Variants in CCDC171 observed in about 807,000 individuals in gnomAD.
CCDC171 encodes coiled-coil domain containing 171.
A neutral mutation model predicts 168.2 loss-of-function variants in CCDC171; 177 were observed. That is an observed-to-expected ratio of 1.05 (90% CI 0.93 to 1.19). The LOEUF (loss-of-function observed/expected upper bound fraction) is 1.19, where lower values mean the gene tolerates loss of function less well. Among genes scored for constraint, CCDC171 ranks in the 50% most tolerant of loss-of-function variants. The pLI is 0.00. For synonymous variants in CCDC171, 687 were observed against 540.8 expected, an observed-to-expected ratio of 1.27 and a Z score of -3.75; for missense variants, 1,991 against 1,539.0, an observed-to-expected ratio of 1.29 and a Z score of -4.91.
At chr9:15,740,839 A>G (rs955889661) in intron 16 of CCDC171, among the ~76,000 whole-genome samples, 11 of 152,142 alleles carry the variant, frequency 7.2e-5, no homozygotes, top group Admixed American at 3.3e-4. Context: ...TAGCTCCAGA[A>G]AACAAACTGG....
chr9:15,568,762 GT>G (rs1319068895), intron 2 of CCDC171, among the ~76,000 whole-genome samples: 1 of 150,592 alleles, frequency 6.6e-6, no homozygotes, highest in Admixed American at 6.6e-5. Context: ...TTTTTTTCTT[GT>G]AAATTTGTTT....
chr9:15,610,801 A>C (rs539213324), intron 6 of CCDC171, among the ~76,000 whole-genome samples: 5 of 152,168 alleles, frequency 3.3e-5, no homozygotes, highest in East Asian at 3.9e-4. Context: ...TCAAGTGGTC[A>C]TCCCGCCTTG....
intron 3 of CCDC171, among the ~76,000 whole-genome samples, chr9:15,573,621 T>C (rs1447711349): frequency 7.6e-6 from 1 of 131,488 alleles, no homozygotes; most frequent in Non-Finnish European, 1.6e-5. Context: ...AAGTAATTGC[T>C]TCTATTTACA....
At chr9:16,096,954 C>A in the CCDC171 span, among the ~76,000 whole-genome samples, 1 of 151,848 alleles carries the variant, frequency 6.6e-6, no homozygotes, top group African/African-American at 2.4e-5. Flanking sequence ...CTCCCTGATA[C>A]CAAAGGCTGA....
At chr9:15,989,198 A>G (rs1007444303) in intron 3 of CCDC171, among the ~76,000 whole-genome samples, 2 of 152,134 alleles carry the variant, frequency 1.3e-5, no homozygotes, top group Admixed American at 1.3e-4. Context: ...AGACTGACAC[A>G]CCACACGGCA....
At chr9:16,049,370 G>T (rs1174638845) in intron 1 of CCDC171, among the ~76,000 whole-genome samples, 1 of 152,234 alleles carries the variant, frequency 6.6e-6, no homozygotes, top group East Asian at 1.9e-4. Flanking sequence ...TATTTTGGGT[G>T]TGTCTGTGAG....
At chr9:16,027,195 C>G (rs1487642053) in intron 6 of CCDC171, among the ~76,000 whole-genome samples, 1 of 152,196 alleles carries the variant, frequency 6.6e-6, no homozygotes, top group African/African-American at 2.4e-5. Context: ...TATCTTTTCT[C>G]TGGGCTTCCA....
chr9:15,598,758 C>G (rs571209901), intron 6 of CCDC171, among the ~76,000 whole-genome samples: 2 of 152,118 alleles, frequency 1.3e-5, no homozygotes, highest in Non-Finnish European at 2.9e-5. Context: ...GTGTTAAAGT[C>G]TCCCATTATT....
chr9:15,876,962 G>T (rs187513385), intron 24 of CCDC171, among the ~76,000 whole-genome samples: 73 of 152,214 alleles, frequency 4.8e-4, no homozygotes, highest in Non-Finnish European at 8.1e-4. Context: ...AGTAGGAGCT[G>T]AAGTTTTCTG....
downstream of CCDC171, among the ~76,000 whole-genome samples, chr9:15,976,852 A>G (rs59947678): frequency 0.078 from 11,883 of 152,136 alleles, 1,518 homozygotes; most frequent in African/African-American, 0.27. Flanking sequence ...GAAAGCATAT[A>G]ATTTTTCCTG....
chr9:15,770,738 T>C (rs567448105), intron 18 of CCDC171, among the ~76,000 whole-genome samples: 2 of 152,306 alleles, frequency 1.3e-5, no homozygotes, highest in South Asian at 2.1e-4. Context: ...GTGAGTAAGA[T>C]AGTGCATGGT....
intron 8 of CCDC171, among the ~76,000 whole-genome samples, chr9:15,658,511 A>G (rs762802578): frequency 1.2e-4 from 18 of 152,172 alleles, no homozygotes; most frequent in Non-Finnish European, 2.2e-4. Flanking sequence ...GAACCTGTGA[A>G]TATGTTACCT....
At chr9:15,849,510 A>G (rs540843604) in intron 23 of CCDC171, among the ~76,000 whole-genome samples, 39 of 151,698 alleles carry the variant, frequency 2.6e-4, no homozygotes, top group African/African-American at 7.2e-4. Flanking sequence ...GTTAATTTGT[A>G]GTGATGAACA....
chr9:15,603,423 G>A (rs1446751175), intron 6 of CCDC171, among the ~76,000 whole-genome samples: 3 of 152,038 alleles, frequency 2.0e-5, no homozygotes, highest in African/African-American at 7.2e-5. Context: ...ACCCTTGACA[G>A]GCCCCAGTGT....
chr9:15,685,593 C>T (rs1232496504), intron 10 of CCDC171, among the ~76,000 whole-genome samples: 1 of 151,968 alleles, frequency 6.6e-6, no homozygotes, highest in East Asian at 1.9e-4. Context: ...CATGATTACA[C>T]CAGTGCATGC....
At chr9:15,842,704 C>G (rs953790596) in intron 21 of CCDC171, among the ~76,000 whole-genome samples, 4 of 151,826 alleles carry the variant, frequency 2.6e-5, no homozygotes, top group South Asian at 2.1e-4. Context: ...TGGATTACAT[C>G]TCAATAAAGC....
At chr9:15,679,252 G>A (rs2049870521) in intron 10 of CCDC171, among the ~76,000 whole-genome samples, 2 of 152,006 alleles carry the variant, frequency 1.3e-5, no homozygotes, top group Admixed American at 6.6e-5. Flanking sequence ...ACTTCCTTTT[G>A]TAATTGTTTT....
At chr9:15,855,109 C>G (rs2061298275) in intron 23 of CCDC171, among the ~76,000 whole-genome samples, 1 of 151,582 alleles carries the variant, frequency 6.6e-6, no homozygotes, top group Admixed American at 6.6e-5. Context: ...TTATGTTGTT[C>G]AAGTCTTCTA....
chr9:15,561,832 A>G lies in CCDC171; in HGVS notation c.-111-2146A>G, dbSNP rs972142304. ...GCGAGGAAGATGAAGAAAATTAAAA[A>G]AAAAAGAAAGACTTGATAAAAGACA... On this transcript the variant is annotated intron_variant, in intron 1 of 25. Coordinates refer to ENST00000380701, the MANE Select transcript of CCDC171 (RefSeq NM_173550.4). Among the ~76,000 whole-genome samples, 3 of 152,208 alleles carry G rather than the reference A, an allele frequency of 2.0e-5. No individual in the cohort carries two copies. In the East Asian group the frequency reaches 5.8e-4, roughly 29 times the overall value.
Sources: gnomAD v4.1 joint callset for allele counts (sites outside exome capture counted in the v4.1 genomes callset) on GRCh38, gnomAD v4.1.1 for gene constraint, MANE v1.5 for transcripts, NCBI Gene and HGNC (gene_info 2026-07-23, HGNC 2026-07-21) for gene names.